ADGRB3: variants seen among roughly 807,000 people sequenced by gnomAD.
The protein encoded by ADGRB3 is brain-specific angiogenesis inhibitor 3.
ADGRB3 carries 37 observed loss-of-function variants against 193.4 expected under a neutral mutation model. That is an observed-to-expected ratio of 0.19 (90% CI 0.15 to 0.25). ADGRB3 has a LOEUF of 0.25. Ranked by LOEUF, ADGRB3 falls within the 10% of genes least tolerant of loss-of-function variation. ADGRB3 has a pLI of 1.00. For synonymous variants in ADGRB3, 690 were observed against 644.2 expected (o/e 1.07, Z -1.08); for missense variants, 1,637 against 1,852.9 (o/e 0.88, Z 2.14).
chr6:68,907,222 A>G (rs551792566), intron 3 of ADGRB3, among the ~76,000 whole-genome samples: 2 of 152,038 alleles, frequency 1.3e-5, no homozygotes, highest in African/African-American at 4.8e-5. Context: ...TTTATAATTT[A>G]TTATTGATAT....
intron 26 of ADGRB3, among the ~76,000 whole-genome samples, chr6:69,348,774 A>G (rs1478037379): frequency 6.6e-6 from 1 of 152,202 alleles, no homozygotes; most frequent in Non-Finnish European, 1.5e-5. Flanking sequence ...TGTTAAACTA[A>G]TAACTGGAGG....
intron 3 of ADGRB3, among the ~76,000 whole-genome samples, chr6:68,830,499 A>G (rs187994753): frequency 6.8e-4 from 103 of 152,308 alleles, no homozygotes; most frequent in African/African-American, 2.4e-3. Flanking sequence ...AGTTTAAATT[A>G]AAATAACTAG....
chr6:68,874,340 A>C (rs1765533583), intron 3 of ADGRB3, among the ~76,000 whole-genome samples: 1 of 152,140 alleles, frequency 6.6e-6, no homozygotes, highest in South Asian at 2.1e-4. Flanking sequence ...TCAAGTATCT[A>C]GGCTTGACTG....
At chr6:69,118,546 G>A (rs1379303209) in intron 17 of ADGRB3, among the ~76,000 whole-genome samples, 1 of 152,010 alleles carries the variant, frequency 6.6e-6, no homozygotes, top group Non-Finnish European at 1.5e-5. Flanking sequence ...AAGTGTATAT[G>A]ATTGGTGAAG....
chr6:69,276,649 TG>T (rs1767309543), intron 20 of ADGRB3, among the ~76,000 whole-genome samples: 2 of 152,140 alleles, frequency 1.3e-5, no homozygotes, highest in Admixed American at 1.3e-4. Context: ...CAGCCACCAG[TG>T]GATGATCTCA....
intron 3 of ADGRB3, among the ~76,000 whole-genome samples, chr6:68,780,238 T>A (rs1282238333): frequency 6.6e-6 from 1 of 152,086 alleles, no homozygotes; most frequent in Non-Finnish European, 1.5e-5. Flanking sequence ...TTGTCTAGTC[T>A]CAGACAAGCT....
At position 68,956,150 on chromosome 6, in the gene ADGRB3, G is replaced by T; in HGVS notation, c.1322G>T (p.Trp441Leu). The change falls in exon 7 of 32, where the codon TGG becomes TTG. Residue 441 changes from tryptophan (W) to leucine (L), a missense_variant. Transcript: ENST00000370598. ...GGAGGCTCCGAATGCAGAGGGCCAT[G>T]GGCAGAAAGCAGAGAGTGCTATAAC... is the stretch of plus-strand genomic sequence containing the variant. ...AHGGSECRGPWAESRECYNPE... is the reference protein window; with the variant it reads ...AHGGSECRGPLAESRECYNPE... The T allele has an allele frequency of 2.5e-6, 4 of 1,613,820 alleles. No homozygotes were observed. Among genetic ancestry groups the T allele is most frequent in the Non-Finnish European group, 3.4e-6 (4 of 1,179,892 alleles).
At chr6:68,657,372 AT>A (rs1768514238) in intron 3 of ADGRB3, among the ~76,000 whole-genome samples, 1 of 151,522 alleles carries the variant, frequency 6.6e-6, no homozygotes, top group African/African-American at 2.4e-5. Context: ...AATTAAATGT[AT>A]TAGTCTTTAA....
intron 3 of ADGRB3, among the ~76,000 whole-genome samples, chr6:68,701,205 T>C (rs1294653292): frequency 2.6e-5 from 4 of 152,210 alleles, no homozygotes; most frequent in Non-Finnish European, 4.4e-5. Flanking sequence ...AAACGGCTTC[T>C]GACTAAATCT....
At chr6:69,258,088 A>T (rs1330420525) in intron 20 of ADGRB3, among the ~76,000 whole-genome samples, 1 of 152,218 alleles carries the variant, frequency 6.6e-6, no homozygotes, top group African/African-American at 2.4e-5. Flanking sequence ...GCAGCTAGCG[A>T]TATAAAGACG....
At chr6:68,715,008 A>G (rs1229466110) in intron 3 of ADGRB3, among the ~76,000 whole-genome samples, 1 of 151,750 alleles carries the variant, frequency 6.6e-6, no homozygotes, top group Non-Finnish European at 1.5e-5. Flanking sequence ...ACTACAGTGC[A>G]TAGTAGTTAT....
intron 13 of ADGRB3, among the ~76,000 whole-genome samples, chr6:69,039,255 A>G (rs1476003621): frequency 7.2e-6 from 1 of 137,934 alleles, no homozygotes; most frequent in African/African-American, 2.5e-5. Flanking sequence ...AAGGAAAGAA[A>G]AAAAAAAAAA....
intron 5 of ADGRB3, among the ~76,000 whole-genome samples, chr6:68,938,471 TG>T (rs1301322853): frequency 6.8e-6 from 1 of 146,980 alleles, no homozygotes; most frequent in Non-Finnish European, 1.5e-5. Flanking sequence ...TATATATATA[TG>T]TTGTGAAATG....
intron 20 of ADGRB3, among the ~76,000 whole-genome samples, chr6:69,248,237 T>C: frequency 6.6e-6 from 1 of 152,086 alleles, no homozygotes; most frequent in East Asian, 1.9e-4. Context: ...AAGAATCATG[T>C]TGGAGTATAG....
chr6:69,038,626 C>T (rs1387442386), intron 13 of ADGRB3, among the ~76,000 whole-genome samples: 2 of 152,110 alleles, frequency 1.3e-5, no homozygotes, highest in Non-Finnish European at 2.9e-5. Flanking sequence ...TTACAAGGAT[C>T]TGTTTCTAAA....
At chr6:69,154,984 T>A (rs1441743443) in intron 17 of ADGRB3, among the ~76,000 whole-genome samples, 3 of 152,204 alleles carry the variant, frequency 2.0e-5, no homozygotes. Context: ...GCTTTGACAG[T>A]TTAAAAGTGA....
chr6:68,982,627 A>T (rs747620489), intron 10 of ADGRB3, among the ~76,000 whole-genome samples: 14 of 152,176 alleles, frequency 9.2e-5, no homozygotes, highest in Non-Finnish European at 1.6e-4. Context: ...CTCTTCCCTA[A>T]GTTCCCAAAG....
intron 20 of ADGRB3, among the ~76,000 whole-genome samples, chr6:69,286,796 A>G (rs1767562165): frequency 6.6e-6 from 1 of 152,210 alleles, no homozygotes; most frequent in Non-Finnish European, 1.5e-5. Flanking sequence ...GAACATTCCA[A>G]CTGCTAAAAA....
intron 10 of ADGRB3, among the ~76,000 whole-genome samples, chr6:68,988,997 T>G (rs1340131505): frequency 6.6e-6 from 1 of 152,178 alleles, no homozygotes; most frequent in Admixed American, 6.6e-5. Context: ...ACCAGTGAAC[T>G]GCCTGAAGGC....
Sources: allele counts gnomAD v4.1 joint callset (sites outside exome capture counted in the v4.1 genomes callset), GRCh38; gene constraint gnomAD v4.1.1; transcripts MANE v1.5; gene names NCBI Gene and HGNC (gene_info 2026-07-23, HGNC 2026-07-21).